The following CNBD1 variants were observed in gnomAD, a reference collection of about 807,000 sequenced individuals.
The protein encoded by CNBD1 is cyclic nucleotide-binding domain-containing protein 1.
A neutral mutation model predicts 54.4 loss-of-function variants in CNBD1; 71 were observed. That is an observed-to-expected ratio of 1.30 (90% CI 1.08 to 1.59). The LOEUF (loss-of-function observed/expected upper bound fraction) is 1.59. Ranked by LOEUF, CNBD1 falls within the 40% of genes most tolerant of loss-of-function variation. CNBD1 has a pLI of 0.00. For synonymous variants in CNBD1, 182 were observed against 170.7 expected (o/e 1.07, Z -0.51); for missense variants, 659 against 518.0 (o/e 1.27, Z -2.64).
At chr8:86,925,824 C>T (rs749952298) in intron 3 of CNBD1, among the ~76,000 whole-genome samples, 16 of 151,616 alleles carry the variant, frequency 1.1e-4, no homozygotes, top group Admixed American at 5.3e-4. Flanking sequence ...TTCGTAGTCT[C>T]GCTGACTTCA....
Position 87,073,962 on chromosome 8 carries a change from C to T in CNBD1, c.432-132031C>T, listed in dbSNP as rs192726064. Among the ~76,000 whole-genome samples, 10 of 151,998 alleles carry T rather than the reference C, an allele frequency of 6.6e-5. No individual in the cohort carries two copies. In the East Asian group the frequency reaches 1.4e-3, roughly 21 times the overall value. On this transcript the variant is annotated intron_variant, in intron 4 of 10. Transcript: ENST00000518476. ...TAAAAACACAAAAAAATTAGCCAGG[C>T]GTGGTGGTGGGCGCCGTAGTCCCAG...
At chr8:87,114,817 A>G (rs764432028) in intron 4 of CNBD1, among the ~76,000 whole-genome samples, 44 of 152,152 alleles carry the variant, frequency 2.9e-4, no homozygotes, top group Non-Finnish European at 5.9e-4. Flanking sequence ...TATACCCTTT[A>G]TAACTACTAC....
intron 4 of CNBD1, among the ~76,000 whole-genome samples, chr8:87,045,601 T>C (rs575803968): frequency 3.8e-4 from 58 of 151,016 alleles, no homozygotes; most frequent in African/African-American, 1.2e-3. Flanking sequence ...GGCAGGTGCC[T>C]GGAGTCCCAG....
At chr8:87,230,378 AAACT>A (rs1381104318) in intron 5 of CNBD1, among the ~76,000 whole-genome samples, 1 of 152,176 alleles carries the variant, frequency 6.6e-6, no homozygotes, top group Non-Finnish European at 1.5e-5. Flanking sequence ...AAAATCTATA[AAACT>A]AACATACATT....
At chr8:87,327,201 C>T (rs1451174662) in intron 8 of CNBD1, among the ~76,000 whole-genome samples, 3 of 143,980 alleles carry the variant, frequency 2.1e-5, no homozygotes, top group East Asian at 2.1e-4. Context: ...CCACTGCTCT[C>T]TTCAAAGCTG....
intron 8 of CNBD1, among the ~76,000 whole-genome samples, chr8:87,317,093 G>T (rs911194132): frequency 6.6e-6 from 1 of 151,796 alleles, no homozygotes; most frequent in Middle Eastern, 3.4e-3. Flanking sequence ...AAATTTTTTT[G>T]TGGGGGTGAA....
At chr8:87,269,283 T>A (rs987775693) in intron 6 of CNBD1, among the ~76,000 whole-genome samples, 10 of 152,132 alleles carry the variant, frequency 6.6e-5, no homozygotes, top group Admixed American at 2.0e-4. Flanking sequence ...GGTCTATGTA[T>A]CTTCTTTTGT....
chr8:87,336,027 A>T (rs1809939189), intron 8 of CNBD1, among the ~76,000 whole-genome samples: 1 of 151,894 alleles, frequency 6.6e-6, no homozygotes. Context: ...TATTGGCCCC[A>T]CTCTCTTCTG....
intron 3 of CNBD1, among the ~76,000 whole-genome samples, chr8:86,925,566 G>A (rs1047311603): frequency 2.7e-5 from 4 of 149,644 alleles, no homozygotes; most frequent in Admixed American, 6.7e-5. Flanking sequence ...GGTAAAGGCA[G>A]TAAAGAAAGA....
At chr8:87,277,749 G>A (rs1044764573) in intron 6 of CNBD1, among the ~76,000 whole-genome samples, 2 of 151,566 alleles carry the variant, frequency 1.3e-5, no homozygotes, top group African/African-American at 4.8e-5. Flanking sequence ...AATTGACTGT[G>A]AGAAAAATAA....
rs1324046900 is a variant in CNBD1 at position 87,286,663 on chromosome 8, C to T, written c.1034C>T (p.Pro345Leu). ...IALLKWKKFP[P>L]GHVIVESGNI... Reference sequence around the variant, plus strand: ...CTCCTTAAATGGAAAAAATTTCCTCCAGGTCATGGTAAGTTTAATGCAATT... The same window carrying T: ...CTCCTTAAATGGAAAAAATTTCCTCTAGGTCATGGTAAGTTTAATGCAATT... The change falls in exon 8 of 11, where the codon CCA (proline) becomes CTA (leucine). Residue 345 changes from proline (P) to leucine (L), a missense_variant. Coordinates refer to ENST00000518476, the MANE Select transcript of CNBD1 (RefSeq NM_173538.3). 5.8e-6 allele frequency: 9 copies of T among 1,541,302 alleles called. No homozygotes were observed. In the Admixed American group the frequency reaches 1.4e-4, roughly 24 times the overall value.
intron 4 of CNBD1, among the ~76,000 whole-genome samples, chr8:87,031,321 A>G (rs1809786013): frequency 6.6e-6 from 1 of 151,988 alleles, no homozygotes; most frequent in African/African-American, 2.4e-5. Context: ...TGTTGCACAT[A>G]ACTCGTGTGT....
Position 86,866,485 on chromosome 8 carries a change from G to A in CNBD1, c.-11G>A, listed in dbSNP as rs1321237409. On this transcript the variant is annotated 5_prime_UTR_variant, in exon 1 of 11. Coordinates refer to ENST00000518476, the MANE Select transcript of CNBD1 (RefSeq NM_173538.3). ...AGCCTCTGGTCATCTATCTGCCTTT[G>A]AGCCATCAAGATGCCGATGTCTTCT... The A allele has an allele frequency of 6.2e-7, 1 of 1,604,694 alleles. No individual in the cohort carries two copies. Among genetic ancestry groups the A allele is most frequent in the Non-Finnish European group, 8.5e-7 (1 of 1,174,654 alleles).
intron 8 of CNBD1, among the ~76,000 whole-genome samples, chr8:87,349,217 A>C (rs1271829068): frequency 2.0e-5 from 3 of 152,174 alleles, no homozygotes. Context: ...TATCCAAACA[A>C]CATTTATCTT....
chr8:87,321,368 T>C (rs746458809), intron 8 of CNBD1, among the ~76,000 whole-genome samples: 26 of 152,188 alleles, frequency 1.7e-4, no homozygotes, highest in Non-Finnish European at 3.4e-4. Context: ...TGTTTGCTTG[T>C]TTGTTTGATT....
At chr8:87,393,733 G>A (rs960665113) in intron 2 of CNBD1, among the ~76,000 whole-genome samples, 2 of 151,772 alleles carry the variant, frequency 1.3e-5, no homozygotes, top group Admixed American at 6.6e-5. Context: ...CTGAGAAGAG[G>A]GAGAGAAAAC....
intron 4 of CNBD1, among the ~76,000 whole-genome samples, chr8:87,125,292 A>G (rs927920703): frequency 2.0e-5 from 3 of 151,842 alleles, no homozygotes; most frequent in East Asian, 1.9e-4. Context: ...AATCAATATT[A>G]AATTTGTATG....
rs374347851 is a variant in CNBD1, at chr8:87,018,221, C to G, written c.431+78467C>G. Among the ~76,000 whole-genome samples the G allele has an allele frequency of 6.8e-4, 104 of 152,258 alleles. 1 individual carries two copies. The Middle Eastern group carries it at 0.01, about 15-fold the overall frequency. On this transcript the variant is annotated intron_variant, in intron 4 of 10. Transcript: ENST00000518476. Reference sequence around the variant, plus strand: ...TTGTGCCATTGCACTCCAGCCTGGGCAACGAGAGCAAAACTGTGTCTCAAA... The same window carrying G: ...TTGTGCCATTGCACTCCAGCCTGGGGAACGAGAGCAAAACTGTGTCTCAAA...
Position 87,418,214 on chromosome 8 carries a change from T to C in CNBD1, c.214-10332T>C, listed in dbSNP as rs142310429. Among the ~76,000 whole-genome samples the C allele has an allele frequency of 1.5e-4, 23 of 152,026 alleles. No individual in the cohort carries two copies. The East Asian group carries it at 4.5e-3, about 29-fold the overall frequency. ...AGACATATGGGCTAATAGAATAATATAAGAGTCCAGAAATAAACCCACACA... is the reference window on the plus strand; with the variant it reads ...AGACATATGGGCTAATAGAATAATACAAGAGTCCAGAAATAAACCCACACA... On this transcript the variant is annotated intron_variant, in intron 2 of 7. Coordinates refer to the CNBD1 transcript ENST00000521593.
Sources: gnomAD v4.1 joint callset for allele counts (sites outside exome capture counted in the v4.1 genomes callset) on GRCh38, gnomAD v4.1.1 for gene constraint, MANE v1.5 for transcripts, NCBI Gene and HGNC (gene_info 2026-07-23, HGNC 2026-07-21) for gene names.